RASL10B: variants seen among roughly 807,000 people sequenced by gnomAD.
The protein encoded by RASL10B is ras-like protein family member 10B.
RASL10B carries 10 observed loss-of-function variants against 20.7 expected under a neutral mutation model. The observed-to-expected ratio is 0.48, with a 90% CI of 0.30 to 0.82. The LOEUF is 0.82. Ranked by LOEUF, RASL10B falls within the 40% of genes least tolerant of loss-of-function variation. The pLI is 0.07. For missense variants in RASL10B, 231 were observed against 295.4 expected, an observed-to-expected ratio of 0.78 and a Z score of 1.60; for synonymous variants, 110 against 123.3, an observed-to-expected ratio of 0.89 and a Z score of 0.72.
At position 35,741,170 on chromosome 17, in the gene RASL10B, G is replaced by A. The variant is rs374149056; in HGVS notation, c.477G>A (p.Ser159=). The stretch of plus-strand genomic sequence containing the variant: ...GGAAGTGCGGCTACGTGGAATGCTC[G>A]GCCAAGTACAACTGGCACATCCTGC... The part of the protein sequence containing the change: ...KTWKCGYVEC[S]AKYNWHILLL... Residue 159 remains serine, a synonymous_variant, in exon 4 of 4, where the codon TCG becomes TCA. Coordinates refer to ENST00000603017, the MANE Select transcript of RASL10B (RefSeq NM_033315.4). 17 of 1,613,284 alleles carry A rather than the reference G, an allele frequency of 1.1e-5. No individual in the cohort carries two copies. The highest frequency in any genetic ancestry group is 1.7e-5 in the Admixed American group (1 of 60,008).
At position 35,741,476 on chromosome 17, in the gene RASL10B, T is replaced by C. The variant is rs1382740119; in HGVS notation, c.*171T>C. ...GCAGAGCGCGAGAGGGAGCCCTCCG[T>C]AACTGCCCAGCCCTGCCCCTTGCCC... On this transcript the variant is annotated 3_prime_UTR_variant, in exon 4 of 4. Transcript: ENST00000603017. 5 of 1,040,272 alleles carry C rather than the reference T, an allele frequency of 4.8e-6. No homozygotes were observed. The highest frequency in any genetic ancestry group is 1.7e-5 in the African/African-American group (1 of 58,876). The allele number at this position is 1,040,272 out of a possible 1,614,324, so 64.4% of individuals were successfully genotyped here.
chr17:35,733,472 C>A (rs1282538848), intron 1 of RASL10B, among the ~76,000 whole-genome samples: 2 of 152,238 alleles, frequency 1.3e-5, no homozygotes, highest in Non-Finnish European at 2.9e-5. Context: ...GCACATACCC[C>A]GTGGAGTGAG....
At chr17:35,741,012 G>A (rs1555597850) in intron 3 of RASL10B, 23 bp from the exon 4 acceptor site, 7 of 1,568,916 alleles carry the variant, frequency 4.5e-6, no homozygotes, top group Non-Finnish European at 5.2e-6. Flanking sequence ...ACAGAGTTCT[G>A]AGCTGCCTGC....
At chr17:35,740,885 G>A in intron 3 of RASL10B, 150 bp from the exon 4 acceptor site, 1 of 663,782 alleles carries the variant, frequency 1.5e-6, no homozygotes, top group Non-Finnish European at 2.5e-6. Flanking sequence ...CAGTTGTGCT[G>A]ATCAGAGAAT....
rs1013973085 is a variant in RASL10B, at chr17:35,731,700, C to G, written c.-326C>G. The G allele has an allele frequency of 1.3e-5, 2 of 151,880 alleles. No individual in the cohort carries two copies. Among genetic ancestry groups the G allele is most frequent in the Non-Finnish European group, 2.9e-5 (2 of 67,916 alleles). The allele number at this position is 151,880 out of a possible 1,614,324, so 9.4% of individuals were successfully genotyped here. A position where few individuals can be genotyped will look rare whatever the true frequency, so the allele number is the denominator to read the frequency against. On this transcript the variant is annotated 5_prime_UTR_variant, in exon 1 of 4. Transcript: ENST00000603017. ...AGCTGGGGCTGGAGGTTCCTACCCCCTCGGCGGCCCGCATCTGCCCCCGCG... is the reference window on the plus strand; with the variant it reads ...AGCTGGGGCTGGAGGTTCCTACCCCGTCGGCGGCCCGCATCTGCCCCCGCG...
At chr17:35,732,206 A>C (rs2085562606) in intron 1 of RASL10B, among the ~76,000 whole-genome samples, 2 of 152,250 alleles carry the variant, frequency 1.3e-5, no homozygotes, top group African/African-American at 4.8e-5. Context: ...GTTGGAACAA[A>C]CAGCTGGCAG....
rs960742292 is a variant in RASL10B, at chr17:35,742,490, C to A, written c.*1185C>A. The A allele has an allele frequency of 6.5e-6, 1 of 152,728 alleles. No individual in the cohort carries two copies. The highest frequency in any genetic ancestry group is 2.4e-5 in the African/African-American group (1 of 41,462). 9.5% of individuals were successfully genotyped at this position (152,728 alleles called of 1,614,324 possible). A position where few individuals can be genotyped will look rare whatever the true frequency, so the allele number is the denominator to read the frequency against. ...GATCTGACACCCTCTTGTCCCAACA[C>A]CAGTCAGCCCTATACCCTAACTCAC... On this transcript the variant is annotated 3_prime_UTR_variant, in exon 4 of 4. Coordinates refer to ENST00000603017, the MANE Select transcript of RASL10B (RefSeq NM_033315.4).
At position 35,740,467 on chromosome 17, in the gene RASL10B, A is replaced by T; in HGVS notation, c.275A>T (p.Tyr92Phe). Residue 92 changes from tyrosine (Y) to phenylalanine (F), a missense_variant, in exon 3 of 4, where the codon TAC (tyrosine) becomes TTC (phenylalanine). By Grantham distance (22) the Tyr-to-Phe change is conservative. Transcript: ENST00000603017. ...LRSVHAYILV[Y>F]DICCFDSFEY... is the part of the protein sequence containing the mutation. ...AGTGTCCACGCCTACATCCTGGTCT[A>T]CGACATCTGCTGCTTTGACAGCTTT... The T allele has an allele frequency of 6.2e-7, 1 of 1,614,062 alleles. No individual in the cohort carries two copies. The highest frequency in any genetic ancestry group is 8.5e-7 in the Non-Finnish European group (1 of 1,179,990).
At chr17:35,737,699 C>T (rs1434865434) in intron 2 of RASL10B, among the ~76,000 whole-genome samples, 5 of 151,338 alleles carry the variant, frequency 3.3e-5, no homozygotes, top group Admixed American at 1.3e-4. Flanking sequence ...CTCAGGAGTT[C>T]GAGACCAGCC....
At chr17:35,733,518 T>A (rs1410957814) in intron 1 of RASL10B, among the ~76,000 whole-genome samples, 1 of 152,248 alleles carries the variant, frequency 6.6e-6, no homozygotes, top group African/African-American at 2.4e-5. Flanking sequence ...GACATTCAGC[T>A]GTGGCTTGTG....
At chr17:35,737,670 G>A (rs1042857323) in intron 2 of RASL10B, among the ~76,000 whole-genome samples, 5 of 151,940 alleles carry the variant, frequency 3.3e-5, no homozygotes, top group Non-Finnish European at 7.4e-5. Context: ...GAGAGGCTGA[G>A]GCAGGCGGAT....
At chr17:35,738,135 G>T (rs2143019986) in intron 2 of RASL10B, among the ~76,000 whole-genome samples, 1 of 152,192 alleles carries the variant, frequency 6.6e-6, no homozygotes, top group Middle Eastern at 3.4e-3. Flanking sequence ...CTCTGATCGT[G>T]GGTGAAATTG....
intron 2 of RASL10B, among the ~76,000 whole-genome samples, chr17:35,736,171 C>T (rs146911460): frequency 1.3e-5 from 2 of 152,342 alleles, no homozygotes; most frequent in East Asian, 1.9e-4. Flanking sequence ...GAACCAGGTC[C>T]TCTTGCCCTC....
At position 35,735,011 on chromosome 17, in the gene RASL10B, C is replaced by T; in HGVS notation, c.-147-27C>T. 4.6e-6 allele frequency: 3 copies of T among 648,622 alleles called. No individual in the cohort carries two copies. Among genetic ancestry groups the T allele is most frequent in the Non-Finnish European group, 8.2e-6 (3 of 367,864 alleles). The allele number at this position is 648,622 out of a possible 1,614,324, so 40.2% of individuals were successfully genotyped here. On this transcript the variant is annotated intron_variant, in intron 1 of 3. Transcript: ENST00000603017. The surrounding 1 kb of genome is among the most constrained non-coding windows in gnomAD (Gnocchi z 6.7). The stretch of plus-strand genomic sequence containing the variant: ...GGACACGTCCAGGGATAAGCCAGTG[C>T]ACTAAGCCCACCTCTTGTCCCCACA...
rs2085628681 is a variant in RASL10B at position 35,741,407 on chromosome 17, G to A, written c.*102G>A. On this transcript the variant is annotated 3_prime_UTR_variant, in exon 4 of 4. Coordinates refer to ENST00000603017, the MANE Select transcript of RASL10B (RefSeq NM_033315.4). ...GCGGGCGGGAAATGGAACTGTGACG[G>A]TCCCGGCCTGAGGCCCCTGCAGCCA... 2 of 1,356,622 alleles carry A rather than the reference G, an allele frequency of 1.5e-6. No homozygotes were observed. Among genetic ancestry groups the A allele is most frequent in the Non-Finnish European group, 1.9e-6 (2 of 1,057,850 alleles). The allele number at this position is 1,356,622 out of a possible 1,614,324, so 84.0% of individuals were successfully genotyped here. A position where few individuals can be genotyped will look rare whatever the true frequency, so the allele number is the denominator to read the frequency against.
rs1482533501 is a variant in RASL10B, at chr17:35,738,342, C to T, written c.217-2067C>T. Among the ~76,000 whole-genome samples the T allele has an allele frequency of 3.9e-5, 6 of 152,084 alleles. No individual in the cohort carries two copies. The East Asian group carries it at 9.6e-4, about 24-fold the overall frequency. The stretch of plus-strand genomic sequence containing the variant: ...AGAGAAATACTGTGAAAAAGGTATC[C>T]TCAAGGCACCAAAGATTAAGTATAA... On this transcript the variant is annotated intron_variant, in intron 2 of 3. Coordinates refer to ENST00000603017, the MANE Select transcript of RASL10B (RefSeq NM_033315.4).
At chr17:35,737,306 G>A (rs1370133088) in intron 2 of RASL10B, among the ~76,000 whole-genome samples, 2 of 152,042 alleles carry the variant, frequency 1.3e-5, no homozygotes, top group East Asian at 1.9e-4. Flanking sequence ...TGTGCTTGGC[G>A]CTGTACCTCA....
chr17:35,737,900 CA>C (rs11351393), intron 2 of RASL10B, among the ~76,000 whole-genome samples: 36,218 of 97,656 alleles, frequency 0.37, 6,357 homozygotes, highest in African/African-American at 0.6. Flanking sequence ...GGCCCTGTCT[CA>C]AAAAAAAAAA....
At position 35,740,550 on chromosome 17, in the gene RASL10B, C is replaced by T; in HGVS notation, c.341+17C>T. On this transcript the variant is annotated intron_variant, in intron 3 of 3. Coordinates refer to ENST00000603017, the MANE Select transcript of RASL10B (RefSeq NM_033315.4). ...GGAGACGAGGTGAGAGGCTGGAACA[C>T]AGTCCATTGCCACCTCTGTGGATGC... The T allele has an allele frequency of 6.2e-7, 1 of 1,610,450 alleles. No homozygotes were observed. The highest frequency in any genetic ancestry group is 2.2e-5 in the East Asian group (1 of 44,760).
Sources: allele counts gnomAD v4.1 joint callset (sites outside exome capture counted in the v4.1 genomes callset), GRCh38; gene constraint gnomAD v4.1.1; non-coding constraint Gnocchi (gnomAD v3.1); transcripts MANE v1.5; gene names NCBI Gene and HGNC (gene_info 2026-07-23, HGNC 2026-07-21).